Variants in PTPRT observed in about 807,000 individuals in gnomAD.
PTPRT encodes protein tyrosine phosphatase receptor type T.
Under a neutral mutation model 176.8 loss-of-function variants are expected in PTPRT, and 56 were observed. The ratio of observed to expected loss-of-function variants is 0.32; its 90% CI spans 0.26 to 0.40. The LOEUF is 0.40. PTPRT is among the 10% of genes least tolerant of loss of function. The pLI is 1.00. For synonymous variants in PTPRT, 783 were observed against 739.0 expected, an observed-to-expected ratio of 1.06 and a Z score of -0.96; for missense variants, 1,540 against 1,908.2, an observed-to-expected ratio of 0.81 and a Z score of 3.60.
intron 7 of PTPRT, 68 bp downstream of exon 7, chr20:42,677,798 A>C: frequency 6.6e-7 from 1 of 1,521,338 alleles, no homozygotes. Flanking sequence ...CAGGAAGGCA[A>C]GAGGAAAGCC....
intron 1 of PTPRT, among the ~76,000 whole-genome samples, chr20:42,999,231 G>A (rs1457579031): frequency 1.4e-4 from 21 of 152,124 alleles, no homozygotes. Context: ...TGCACATATA[G>A]TAATAGACAC....
chr20:42,777,655 C>T (rs1414176586), intron 4 of PTPRT, among the ~76,000 whole-genome samples: 1 of 152,204 alleles, frequency 6.6e-6, no homozygotes, highest in Admixed American at 6.5e-5. Context: ...TTAAGTATCA[C>T]TGTGCCTAGG....
chr20:43,102,298 A>T (rs886784335), intron 1 of PTPRT, among the ~76,000 whole-genome samples: 66 of 151,362 alleles, frequency 4.4e-4, no homozygotes, highest in African/African-American at 1.5e-3. Flanking sequence ...ACACACACAC[A>T]CACACACACA....
chr20:42,587,553 G>A (rs945801701), intron 7 of PTPRT, among the ~76,000 whole-genome samples: 2 of 152,192 alleles, frequency 1.3e-5, no homozygotes, highest in Non-Finnish European at 2.9e-5. Context: ...CTTGGGCCAC[G>A]GACTGCAACC....
At chr20:42,400,739 C>T (rs1178557240) in intron 9 of PTPRT, among the ~76,000 whole-genome samples, 1 of 152,168 alleles carries the variant, frequency 6.6e-6, no homozygotes, top group Non-Finnish European at 1.5e-5. Flanking sequence ...TTGTTGGTCA[C>T]ACTAAGTCCT....
At chr20:43,123,447 C>G (rs991575761) in intron 1 of PTPRT, among the ~76,000 whole-genome samples, 2 of 152,164 alleles carry the variant, frequency 1.3e-5, no homozygotes, top group Admixed American at 1.3e-4. Context: ...CCATAAGATA[C>G]AAGCAGAGTT....
At chr20:42,718,156 A>AT (rs1204079526) in intron 6 of PTPRT, among the ~76,000 whole-genome samples, 1 of 152,256 alleles carries the variant, frequency 6.6e-6, no homozygotes, top group Non-Finnish European at 1.5e-5. Flanking sequence ...GTGGTTCATT[A>AT]TGTCTAAATA....
chr20:43,173,329 C>T (rs2015049266), intron 1 of PTPRT, among the ~76,000 whole-genome samples: 1 of 152,166 alleles, frequency 6.6e-6, no homozygotes, highest in South Asian at 2.1e-4. Context: ...AAAAAGTCAA[C>T]CGCAAGGTGT....
chr20:42,994,664 T>C (rs1260512935), intron 1 of PTPRT, among the ~76,000 whole-genome samples: 2 of 152,202 alleles, frequency 1.3e-5, no homozygotes, highest in Non-Finnish European at 2.9e-5. Flanking sequence ...TTATAACCAA[T>C]ATGAATATAT....
At chr20:42,576,932 G>A (rs1476149593) in intron 7 of PTPRT, among the ~76,000 whole-genome samples, 1 of 152,144 alleles carries the variant, frequency 6.6e-6, no homozygotes, top group Non-Finnish European at 1.5e-5. Context: ...CGTCAGATGA[G>A]GAAGACAGTC....
chr20:42,926,404 T>C (rs1263659215), intron 1 of PTPRT, among the ~76,000 whole-genome samples: 1 of 152,210 alleles, frequency 6.6e-6, no homozygotes, highest in African/African-American at 2.4e-5. Context: ...TAAATATTTT[T>C]TTTCTAAGCA....
intron 1 of PTPRT, among the ~76,000 whole-genome samples, chr20:43,160,364 G>T (rs1429413919): frequency 1.3e-5 from 2 of 152,218 alleles, no homozygotes; most frequent in Admixed American, 6.5e-5. Flanking sequence ...TCTGTTTAGA[G>T]TTAGCAACGG....
chr20:42,804,036 T>C (rs2077569235), intron 2 of PTPRT, among the ~76,000 whole-genome samples: 1 of 152,152 alleles, frequency 6.6e-6, no homozygotes. Flanking sequence ...CAGGAGATAA[T>C]GACGACTCAC....
In PTPRT at chr20:42,517,162, T is replaced by C. The variant is rs148730416; in HGVS notation, c.1154-44600A>G. 5.5e-3 allele frequency among the ~76,000 whole-genome samples: 833 copies of C among 152,170 alleles called. 8 individuals are homozygous for C. Among genetic ancestry groups the C allele is most frequent in the African/African-American group, 0.019 (783 of 41,570 alleles). On this transcript the variant is annotated intron_variant, in intron 7 of 30. Transcript: ENST00000373187. ...ACTTGCCTATTAAATCATTTGTACCTGATGTTTTCATTTTGGGGAGATTGT... is the reference window on the plus strand; with the variant it reads ...ACTTGCCTATTAAATCATTTGTACCCGATGTTTTCATTTTGGGGAGATTGT...
chr20:42,883,962 TACAC>T (rs552445389), intron 2 of PTPRT, among the ~76,000 whole-genome samples: 2 of 149,540 alleles, frequency 1.3e-5, no homozygotes, highest in African/African-American at 2.5e-5. Flanking sequence ...TACACCCCCA[TACAC>T]ACACACACAC....
At chr20:42,354,528 A>C (rs1164900500) in intron 9 of PTPRT, among the ~76,000 whole-genome samples, 1 of 152,170 alleles carries the variant, frequency 6.6e-6, no homozygotes, top group Non-Finnish European at 1.5e-5. Flanking sequence ...GAATTCACTC[A>C]TCCACTTATT....
chr20:43,189,531 G>T lies in PTPRT; in HGVS notation c.88+115C>A, dbSNP rs1263719070. 9.8e-6 allele frequency: 6 copies of T among 611,068 alleles called. No homozygotes were observed. The South Asian group carries it at 5.0e-4, about 51-fold the overall frequency. 37.9% of individuals were successfully genotyped at this position (611,068 alleles called of 1,614,324 possible). A position where few individuals can be genotyped will look rare whatever the true frequency, so the allele number is the denominator to read the frequency against. The stretch of plus-strand genomic sequence containing the variant: ...CTGAGACCCGGGTTCCGGCCATGGG[G>T]ACCCGCGCCCCCGCGAGCCCACACA... On this transcript the variant is annotated intron_variant, in intron 1 of 30. Transcript: ENST00000373187. This position sits in a 1 kb window ranked among gnomAD's most constrained non-coding sequence, Gnocchi z 5.0.
At chr20:42,626,937 C>A (rs575347316) in intron 7 of PTPRT, among the ~76,000 whole-genome samples, 12 of 152,296 alleles carry the variant, frequency 7.9e-5, no homozygotes, top group Admixed American at 7.8e-4. Flanking sequence ...GGATGAGAAC[C>A]ACTGTCATTC....
At chr20:42,989,938 G>A (rs1841457333) in intron 1 of PTPRT, among the ~76,000 whole-genome samples, 1 of 152,238 alleles carries the variant, frequency 6.6e-6, no homozygotes, top group African/African-American at 2.4e-5. Flanking sequence ...CACAGCCCTT[G>A]TGGAGATGTT....
Sources: allele counts gnomAD v4.1 joint callset (sites outside exome capture counted in the v4.1 genomes callset), GRCh38; gene constraint gnomAD v4.1.1; non-coding constraint Gnocchi (gnomAD v3.1); transcripts MANE v1.5; gene names NCBI Gene and HGNC (gene_info 2026-07-23, HGNC 2026-07-21).